Variants in NPHP4 observed in about 807,000 individuals in gnomAD.
NPHP4 encodes the protein nephrocystin-4.
Under a neutral mutation model 155.8 loss-of-function variants are expected in NPHP4, and 151 were observed. That is an observed-to-expected ratio of 0.97 (90% CI 0.85 to 1.11). The LOEUF is 1.11. Ranked by LOEUF, NPHP4 falls within the 50% of genes least tolerant of loss-of-function variation. NPHP4 has a pLI of 0.00. For missense variants in NPHP4, 1,956 were observed against 1,925.7 expected (o/e 1.02, Z -0.29); for synonymous variants, 845 against 816.8 (o/e 1.03, Z -0.59).
chr1:5,926,352 C>A (rs1178521756), intron 11 of NPHP4, among the ~76,000 whole-genome samples: 3 of 152,154 alleles, frequency 2.0e-5, no homozygotes, highest in Non-Finnish European at 4.4e-5. Flanking sequence ...CCTGAAAGAC[C>A]ATGTTTATTA....
intron 5 of NPHP4, among the ~76,000 whole-genome samples, chr1:5,964,941 A>ATATATATATATATATTTTTTTTTTT: frequency 8.4e-5 from 5 of 59,384 alleles, no homozygotes; most frequent in Non-Finnish European, 1.1e-4. Flanking sequence ...ATATATATAT[A>ATATATATATATATATTTTTTTTTTT]TTTTTTTTTT....
At chr1:5,961,165 T>G (rs1307698973) in intron 6 of NPHP4, among the ~76,000 whole-genome samples, 1 of 152,156 alleles carries the variant, frequency 6.6e-6, no homozygotes, top group African/African-American at 2.4e-5. Context: ...GGACAAGGAC[T>G]GCATGATCCC....
At chr1:5,899,158 C>T (rs1333435105) in intron 16 of NPHP4, among the ~76,000 whole-genome samples, 2 of 152,182 alleles carry the variant, frequency 1.3e-5, no homozygotes, top group Non-Finnish European at 2.9e-5. Flanking sequence ...TGCTGCTCCA[C>T]AACCCAGCCG....
In NPHP4 at chr1:5,965,821, G is replaced by A. The variant is rs535976954; in HGVS notation, c.517+1478C>T. Among the ~76,000 whole-genome samples the A allele has an allele frequency of 1.1e-4, 16 of 152,290 alleles. No homozygotes were observed. The South Asian group carries it at 3.1e-3, about 30-fold the overall frequency. ...ATAGTCTACGGAGGGCATGCAGGGA[G>A]GGCTTTCGTGTCCCCTGCTTCACCT... On this transcript the variant is annotated intron_variant, in intron 5 of 29. Coordinates refer to ENST00000378156, the MANE Select transcript of NPHP4 (RefSeq NM_015102.5).
intron 1 of NPHP4, among the ~76,000 whole-genome samples, chr1:5,987,866 A>C (rs1055394843): frequency 1.3e-5 from 2 of 152,190 alleles, no homozygotes; most frequent in African/African-American, 4.8e-5. Context: ...TTAGCATGTC[A>C]CTTCCGGGAA....
chr1:5,899,561 G>A (rs1187141743), intron 16 of NPHP4, among the ~76,000 whole-genome samples: 1 of 152,192 alleles, frequency 6.6e-6, no homozygotes, highest in African/African-American at 2.4e-5. Flanking sequence ...GCTGGGAGGT[G>A]GTTACGCAGG....
intron 11 of NPHP4, among the ~76,000 whole-genome samples, chr1:5,918,028 C>T (rs1243923914): frequency 6.6e-6 from 1 of 152,170 alleles, no homozygotes; most frequent in Admixed American, 6.5e-5. Flanking sequence ...AGAAATAAAC[C>T]TTTTTATTTT....
At chr1:5,967,391 G>A (rs749403137) in intron 4 of NPHP4, 28 bp from the exon 5 acceptor site, 20 of 1,569,802 alleles carry the variant, frequency 1.3e-5, no homozygotes, top group Admixed American at 1.8e-5. Flanking sequence ...GAGAACAGTC[G>A]TCAGCCACGT....
intron 1 of NPHP4, among the ~76,000 whole-genome samples, chr1:5,989,151 G>A (rs903632230): frequency 3.9e-5 from 6 of 152,116 alleles, no homozygotes; most frequent in Admixed American, 2.6e-4. Context: ...CTTGAGCCCA[G>A]GATGTCTCTC....
At position 5,867,670 on chromosome 1, in the gene NPHP4, C is replaced by T; in HGVS notation, c.3472+70G>A. The T allele has an allele frequency of 1.3e-6, 2 of 1,530,864 alleles. No homozygotes were observed. Among genetic ancestry groups the T allele is most frequent in the Non-Finnish European group, 1.8e-6 (2 of 1,123,476 alleles). The allele number at this position is 1,530,864 out of a possible 1,614,324, so 94.8% of individuals were successfully genotyped here. ...ATGAAGCCATGAGGCCATCTGTCAC[C>T]CTCAAGAGGTATCTACTTCCAACAG... On this transcript the variant is annotated intron_variant, in intron 24 of 29. Transcript: ENST00000378156. This position sits in a 1 kb window ranked among gnomAD's most constrained non-coding sequence, Gnocchi z 4.1.
chr1:5,908,142 G>T (rs4908569), intron 12 of NPHP4, among the ~76,000 whole-genome samples: 21,442 of 152,264 alleles, frequency 0.14, 1,809 homozygotes, highest in Non-Finnish European at 0.2. Context: ...ATCCCCAGGG[G>T]ACCCTGGCAG....
In NPHP4 at chr1:5,924,786, C is replaced by T. The variant is rs189182496; in HGVS notation, c.1441+2863G>A. On this transcript the variant is annotated intron_variant, in intron 11 of 29. Transcript: ENST00000378156. ...CCTCTTGCCTTGGCCTCCTGAGTAGCGGGGACTAAAGGTGCACACCACCGC... is the reference window on the plus strand; with the variant it reads ...CCTCTTGCCTTGGCCTCCTGAGTAGTGGGGACTAAAGGTGCACACCACCGC... 5.3e-5 allele frequency among the ~76,000 whole-genome samples: 8 copies of T among 152,186 alleles called. No individual in the cohort carries two copies. In the East Asian group the frequency reaches 5.8e-4, roughly 11 times the overall value.
At position 5,987,518 on chromosome 1, in the gene NPHP4, G is replaced by C. The variant is rs577540017; in HGVS notation, c.-38-1191C>G. 1.2e-4 allele frequency among the ~76,000 whole-genome samples: 19 copies of C among 152,218 alleles called. No individual in the cohort carries two copies. In the South Asian group the frequency reaches 4.0e-3, roughly 32 times the overall value. On this transcript the variant is annotated intron_variant, in intron 1 of 29. Coordinates refer to ENST00000378156, the MANE Select transcript of NPHP4 (RefSeq NM_015102.5). ...CCACTGGGGCCTCACTCAACCCAAG[G>C]CTGGTTGGGTTGAGTGAGGTCCTCC...
At chr1:5,893,997 T>C (rs112848250) in intron 16 of NPHP4, among the ~76,000 whole-genome samples, 1 of 152,336 alleles carries the variant, frequency 6.6e-6, no homozygotes, top group African/African-American at 2.4e-5. Flanking sequence ...GCGAGGATTA[T>C]TATAATATTG....
intron 16 of NPHP4, among the ~76,000 whole-genome samples, chr1:5,903,759 T>C (rs1335078950): frequency 6.6e-6 from 1 of 152,130 alleles, no homozygotes; most frequent in African/African-American, 2.4e-5. Flanking sequence ...TGCCAGGAAG[T>C]TTCTGGTTTT....
Position 5,927,890 on chromosome 1 carries a change from C to T in NPHP4, c.1303-103G>A, listed in dbSNP as rs939718361. 95 of 1,262,284 alleles carry T rather than the reference C, an allele frequency of 7.5e-5. No individual in the cohort carries two copies. In the South Asian group the frequency reaches 1.2e-3, roughly 15 times the overall value. 78.2% of individuals were successfully genotyped at this position (1,262,284 alleles called of 1,614,324 possible). A position where few individuals can be genotyped will look rare whatever the true frequency, so the allele number is the denominator to read the frequency against. On this transcript the variant is annotated intron_variant, in intron 10 of 29. Transcript: ENST00000378156. ...AGGCTCTGCCCTAAAACAAAGTCTACGTGAAATCAGAGGCTTCTTGATGCC... is the reference window on the plus strand; with the variant it reads ...AGGCTCTGCCCTAAAACAAAGTCTATGTGAAATCAGAGGCTTCTTGATGCC...
chr1:5,887,266 A>C lies in NPHP4; in HGVS notation c.2485+20T>G, dbSNP rs1258878798. On this transcript the variant is annotated intron_variant, in intron 18 of 29. Transcript: ENST00000378156. Reference sequence around the variant, plus strand: ...GTTGGGCGGCCGCTGGAGAAATGGCACAAGGCTGGGGACTCTTACCCACGT... The same window carrying C: ...GTTGGGCGGCCGCTGGAGAAATGGCCCAAGGCTGGGGACTCTTACCCACGT... The C allele has an allele frequency of 6.2e-7, 1 of 1,604,508 alleles. No homozygotes were observed. Among genetic ancestry groups the C allele is most frequent in the Non-Finnish European group, 8.5e-7 (1 of 1,174,954 alleles).
chr1:5,908,625 C>T lies in NPHP4; in HGVS notation c.1503+527G>A, dbSNP rs543661719. Among the ~76,000 whole-genome samples, 15 of 152,286 alleles carry T rather than the reference C, an allele frequency of 9.8e-5. 1 individual carries two copies. Among genetic ancestry groups the T allele is most frequent in the African/African-American group, 3.1e-4 (13 of 41,574 alleles). On this transcript the variant is annotated intron_variant, in intron 12 of 29. Coordinates refer to ENST00000378156, the MANE Select transcript of NPHP4 (RefSeq NM_015102.5). ...AACGGCCCAGCGGGAAGGCGCCTCT[C>T]CTCCCACTCAGGAAGTTCCAGCGCC...
intron 18 of NPHP4, chr1:5,880,675 C>A: frequency 5.1e-6 from 1 of 197,094 alleles, no homozygotes; most frequent in Non-Finnish European, 1.1e-5. Flanking sequence ...TGAAAGAGCC[C>A]CCATAAACTG....
Sources: allele counts gnomAD v4.1 joint callset (sites outside exome capture counted in the v4.1 genomes callset), GRCh38; gene constraint gnomAD v4.1.1; non-coding constraint Gnocchi (gnomAD v3.1); transcripts MANE v1.5; gene names NCBI Gene and HGNC (gene_info 2026-07-23, HGNC 2026-07-21).